Variants in RBM43 observed in about 807,000 individuals in gnomAD.
RBM43 encodes RNA binding motif protein 43.
RBM43 carries 12 observed loss-of-function variants against 12.4 expected under a neutral mutation model. The ratio of observed to expected loss-of-function variants is 0.97; its 90% confidence interval spans 0.62 to 1.57. The LOEUF is 1.57. Among genes scored for constraint, RBM43 ranks in the 40% most tolerant of loss-of-function variants. The pLI, the probability that RBM43 is intolerant of heterozygous loss-of-function variation, is 0.00. For synonymous variants in RBM43, 138 were observed against 145.7 expected (o/e 0.95, Z 0.38); for missense variants, 348 against 400.1 (o/e 0.87, Z 1.11).
intron 1 of RBM43, chr2:151,261,402 C>T (rs1019605726): frequency 2.6e-6 from 4 of 1,550,628 alleles, no homozygotes; most frequent in African/African-American, 1.4e-5. Context: ...GCGGCGTCCC[C>T]GTCGCCTGGG....
intron 1 of RBM43, among the ~76,000 whole-genome samples, chr2:151,256,240 C>T (rs1366696001): frequency 6.6e-6 from 1 of 152,142 alleles, no homozygotes; most frequent in Non-Finnish European, 1.5e-5. Context: ...GGATTACAGG[C>T]ATGAGCCACC....
chr2:151,252,730 G>T, intron 3 of RBM43, 25 bp downstream of exon 3: 2 of 1,274,036 alleles, frequency 1.6e-6, no homozygotes, highest in Non-Finnish European at 2.3e-6. Flanking sequence ...AGGACTATCA[G>T]TACACCTACA....
rs1376484912 is a variant in RBM43, at chr2:151,261,612, C to A, written c.3+113G>T. 5 of 1,539,346 alleles carry A rather than the reference C, an allele frequency of 3.2e-6. No homozygotes were observed. The East Asian group carries it at 1.2e-4, about 38-fold the overall frequency. ...GGCCCCTCCGTGCGCCGCCCCCTCC[C>A]GCGCAGCCCTGCACCCTGGCCCGTC... On this transcript the variant is annotated intron_variant, in intron 1 of 3. Coordinates refer to ENST00000331426, the MANE Select transcript of RBM43 (RefSeq NM_198557.3).
Position 151,250,916 on chromosome 2 carries a change from T to C in RBM43, c.1064A>G (p.Lys355Arg). 6.3e-7 allele frequency: 1 copy of C among 1,593,050 alleles called. No homozygotes were observed. The highest frequency in any genetic ancestry group is 1.4e-5 in the African/African-American group (1 of 74,036). ...KKGVMKLIGQ[K>R]VS ...ATTGCTGAGATTTTATTAACTAACC[T>C]TTTGCCCTATTAATTTCATGACCCC... Residue 355 changes from lysine (K) to arginine (R), a missense_variant, in exon 4 of 4, where the codon AAG (lysine) becomes AGG (arginine). By Grantham distance (26) the Lys-to-Arg change is conservative. Transcript: ENST00000331426.
In RBM43 at chr2:151,261,743, C is replaced by T; in HGVS notation, c.-16G>A. On this transcript the variant is annotated 5_prime_UTR_variant, in exon 1 of 4. Transcript: ENST00000331426. Reference sequence around the variant, plus strand: ...AACTTGCCATGGCGGAGGGGAGACGCGCCCTCAGCGGCCGCAGAAAGCCCA... The same window carrying T: ...AACTTGCCATGGCGGAGGGGAGACGTGCCCTCAGCGGCCGCAGAAAGCCCA... The T allele has an allele frequency of 6.2e-7, 1 of 1,602,354 alleles. No homozygotes were observed. The highest frequency in any genetic ancestry group is 1.1e-5 in the South Asian group (1 of 89,002).
chr2:151,257,525 G>C (rs1022070158), intron 1 of RBM43, among the ~76,000 whole-genome samples: 61 of 151,204 alleles, frequency 4.0e-4, no homozygotes, highest in African/African-American at 1.4e-3. Flanking sequence ...AACCCCGTCT[G>C]TACTAAAAAT....
Position 151,261,065 on chromosome 2 carries a change from T to C in RBM43, c.3+660A>G, listed in dbSNP as rs1274248109. The C allele has an allele frequency of 4.8e-6, 3 of 623,440 alleles. No individual in the cohort carries two copies. In the East Asian group the frequency reaches 9.1e-5, roughly 19 times the overall value. 38.6% of individuals were successfully genotyped at this position (623,440 alleles called of 1,614,324 possible). ...TACCGCCACCAGGTCAACAAAAACG[T>C]ACTTGCTTTTGCATTTCCGGGACTC... On this transcript the variant is annotated intron_variant, in intron 1 of 3. Transcript: ENST00000331426.
chr2:151,252,985 A>C, intron 2 of RBM43, 130 bp from the exon 3 acceptor site: 1 of 541,308 alleles, frequency 1.8e-6, no homozygotes, highest in Non-Finnish European at 3.3e-6. Context: ...TAAATTCAAC[A>C]TTCAAATCAC....
At position 151,251,362 on chromosome 2, in the gene RBM43, G is replaced by A; in HGVS notation, c.618C>T (p.Val206=). The A allele has an allele frequency of 6.2e-7, 1 of 1,614,120 alleles. No individual in the cohort carries two copies. Among genetic ancestry groups the A allele is most frequent in the Non-Finnish European group, 8.5e-7 (1 of 1,179,956 alleles). Reference sequence around the variant, plus strand: ...TAGCAGTCTCAGGTACTAAGGTCCTGACTGATGCCAAAGAGTTATTACTTC... The same window carrying A: ...TAGCAGTCTCAGGTACTAAGGTCCTAACTGATGCCAAAGAGTTATTACTTC... ...LQRSNNSLAS[V]RTLVPETARS... is the part of the protein sequence containing the mutation. The change falls in exon 4 of 4, where the codon GTC becomes GTT. Residue 206 remains valine, a synonymous_variant. Coordinates refer to ENST00000331426, the MANE Select transcript of RBM43 (RefSeq NM_198557.3).
rs1440311025 is a variant in RBM43, at chr2:151,249,633, T to C, written c.*1273A>G. The C allele has an allele frequency of 6.6e-6, 1 of 152,250 alleles. No homozygotes were observed. The highest frequency in any genetic ancestry group is 1.5e-5 in the Non-Finnish European group (1 of 68,122). The allele number at this position is 152,250 out of a possible 1,614,324, so 9.4% of individuals were successfully genotyped here. A position where few individuals can be genotyped will look rare whatever the true frequency, so the allele number is the denominator to read the frequency against. On this transcript the variant is annotated 3_prime_UTR_variant, in exon 4 of 4. Transcript: ENST00000331426. ...CTCCTGACCTTGTGATCCACCCGCC[T>C]CGGCCTCCCAAAGTGCTGGGATTAC...
rs374433455 is a variant in RBM43 at position 151,251,027 on chromosome 2, G to C, written c.953C>G (p.Ser318Trp). The C allele has an allele frequency of 3.5e-5, 56 of 1,613,898 alleles. 1 individual carries two copies. In the East Asian group the frequency reaches 6.2e-4, roughly 18 times the overall value. Residue 318 changes from serine (S) to tryptophan (W), a missense_variant, in exon 4 of 4, where the codon TCG becomes TGG. Transcript: ENST00000331426. ...GTTAATCAGGACTTCAAGGTATCTC[G>C]AACTTAATTGTTCACATGCCCTTTT... is the stretch of plus-strand genomic sequence containing the variant. ...MIKRACEQLS[S>W]RYLEVLINLY...
intron 1 of RBM43, chr2:151,261,327 C>T (rs996081120): frequency 6.4e-7 from 1 of 1,550,498 alleles, no homozygotes; most frequent in African/African-American, 1.4e-5. Context: ...ACTTTTGTTC[C>T]CCCCGAGGCG....
intron 2 of RBM43, 131 bp downstream of exon 2, chr2:151,255,402 A>T: frequency 5.0e-6 from 3 of 601,654 alleles, no homozygotes; most frequent in Non-Finnish European, 8.5e-6. Context: ...TGGGCAACAG[A>T]GTGAGACTGT....
intron 1 of RBM43, among the ~76,000 whole-genome samples, chr2:151,260,114 C>T (rs995196899): frequency 2.0e-5 from 3 of 151,344 alleles, no homozygotes; most frequent in African/African-American, 7.3e-5. Context: ...TCCGCTCCCC[C>T]CTCGGCCTCT....
intron 1 of RBM43, among the ~76,000 whole-genome samples, chr2:151,258,553 C>T (rs1204210205): frequency 6.6e-6 from 1 of 151,318 alleles, no homozygotes; most frequent in East Asian, 2.0e-4. Context: ...AAAAATTAGC[C>T]GGGTGTGGTG....
rs1682865050 is a variant in RBM43, at chr2:151,249,435, T to C, written c.*1471A>G. The C allele has an allele frequency of 6.7e-6, 1 of 148,576 alleles. No individual in the cohort carries two copies. The highest frequency in any genetic ancestry group is 2.1e-4 in the South Asian group (1 of 4,660). 9.2% of individuals were successfully genotyped at this position (148,576 alleles called of 1,614,324 possible). A position where few individuals can be genotyped will look rare whatever the true frequency, so the allele number is the denominator to read the frequency against. The stretch of plus-strand genomic sequence containing the variant: ...CTCTGTCACCCAGGCTGGAGTGCAG[T>C]AGTGCAGTCTTGGCTCACTGCAAGC... On this transcript the variant is annotated 3_prime_UTR_variant, in exon 4 of 4. Transcript: ENST00000331426.
Position 151,261,635 on chromosome 2 carries a change from G to A in RBM43, c.3+90C>T. The stretch of plus-strand genomic sequence containing the variant: ...CCCGCGCAGCCCTGCACCCTGGCCC[G>A]TCGCGCCCGGTTCCGCGCCCTTCTA... On this transcript the variant is annotated intron_variant, in intron 1 of 3. Coordinates refer to ENST00000331426, the MANE Select transcript of RBM43 (RefSeq NM_198557.3). 5.2e-6 allele frequency: 8 copies of A among 1,552,556 alleles called. No homozygotes were observed. In the South Asian group the frequency reaches 9.5e-5, roughly 18 times the overall value.
Position 151,261,785 on chromosome 2 carries a change from G to A in RBM43, c.-58C>T. ...GAAAGCCCACAACCAGCGGAACGCA[G>A]GCGATGGGGAGAGGAGCGAGCAGGC... is the stretch of plus-strand genomic sequence containing the variant. On this transcript the variant is annotated 5_prime_UTR_variant, in exon 1 of 4. Coordinates refer to ENST00000331426, the MANE Select transcript of RBM43 (RefSeq NM_198557.3). 1 of 1,579,254 alleles carries A rather than the reference G, an allele frequency of 6.3e-7. No individual in the cohort carries two copies. The highest frequency in any genetic ancestry group is 1.9e-5 in the Admixed American group (1 of 53,804).
Position 151,249,154 on chromosome 2 carries a change from A to G in RBM43, c.*1752T>C, listed in dbSNP as rs1682858777. ...GGCCCCAACATGGGTACCTCATGCC[A>G]TAACTCCAAAGGCCAATGATTCTCC... On this transcript the variant is annotated 3_prime_UTR_variant, in exon 4 of 4. Coordinates refer to ENST00000331426, the MANE Select transcript of RBM43 (RefSeq NM_198557.3). The G allele has an allele frequency of 6.6e-6, 1 of 152,210 alleles. No homozygotes were observed. The highest frequency in any genetic ancestry group is 1.5e-5 in the Non-Finnish European group (1 of 68,050). The allele number at this position is 152,210 out of a possible 1,614,324, so 9.4% of individuals were successfully genotyped here.
Sources: gnomAD v4.1 joint callset for allele counts (sites outside exome capture counted in the v4.1 genomes callset) on GRCh38, gnomAD v4.1.1 for gene constraint, MANE v1.5 for transcripts, NCBI Gene and HGNC (gene_info 2026-07-23, HGNC 2026-07-21) for gene names.